SLC9A9: variants seen among roughly 807,000 people sequenced by gnomAD.
The protein encoded by SLC9A9 is solute carrier family 9 member A9.
SLC9A9 carries 62 observed loss-of-function variants against 77.8 expected under a neutral mutation model. That is an observed-to-expected ratio of 0.80 (90% CI 0.65 to 0.98). The LOEUF is 0.98. Among genes scored for constraint, SLC9A9 ranks in the 50% least tolerant of loss-of-function variants. The pLI, the probability that SLC9A9 is intolerant of heterozygous loss-of-function variation, is 0.00. For missense variants in SLC9A9, 775 were observed against 774.9 expected, an observed-to-expected ratio of 1.00 and a Z score of 0.00; for synonymous variants, 320 against 283.5, an observed-to-expected ratio of 1.13 and a Z score of -1.29.
chr3:143,460,905 T>C (rs1441516229), intron 12 of SLC9A9, among the ~76,000 whole-genome samples: 1 of 152,162 alleles, frequency 6.6e-6, no homozygotes, highest in Non-Finnish European at 1.5e-5. Flanking sequence ...AAATGTATTG[T>C]AGAAGAACAT....
At chr3:143,312,942 A>C (rs534535218) in intron 14 of SLC9A9, 1 of 152,318 alleles carries the variant, frequency 6.6e-6, no homozygotes, top group South Asian at 2.1e-4. Flanking sequence ...CTCCTTTCAA[A>C]TATCCTCCTT....
intron 14 of SLC9A9, among the ~76,000 whole-genome samples, chr3:143,328,288 A>G (rs200027769): frequency 6.6e-6 from 1 of 152,186 alleles, no homozygotes; most frequent in East Asian, 1.9e-4. Flanking sequence ...TTTCTGCTCA[A>G]TTTTTCTGTA....
intron 5 of SLC9A9, among the ~76,000 whole-genome samples, chr3:143,652,605 T>C (rs1242068): frequency 0.67 from 101,087 of 151,846 alleles, 33,792 homozygotes; most frequent in African/African-American, 0.72. Flanking sequence ...CTTGCTTACC[T>C]TCTAGCCTCA....
chr3:143,339,250 T>C (rs1371782765), intron 14 of SLC9A9, among the ~76,000 whole-genome samples: 1 of 152,222 alleles, frequency 6.6e-6, no homozygotes, highest in Non-Finnish European at 1.5e-5. Context: ...TTCCTCCTGG[T>C]GTGGAGGTTC....
At chr3:143,634,117 T>A (rs1429932141) in intron 6 of SLC9A9, among the ~76,000 whole-genome samples, 2 of 152,248 alleles carry the variant, frequency 1.3e-5, no homozygotes, top group South Asian at 2.1e-4. Context: ...GTGACTTGAA[T>A]TTTCTGCCTA....
intron 9 of SLC9A9, among the ~76,000 whole-genome samples, chr3:143,514,729 A>G (rs190873130): frequency 9.8e-5 from 15 of 152,308 alleles, no homozygotes; most frequent in Middle Eastern, 3.4e-3. Context: ...CTTAGCCTTC[A>G]CAGAATTGAA....
intron 14 of SLC9A9, among the ~76,000 whole-genome samples, chr3:143,341,960 C>T (rs1205216748): frequency 1.3e-5 from 2 of 152,124 alleles, no homozygotes; most frequent in Non-Finnish European, 2.9e-5. Context: ...ATGAAGAGCC[C>T]TGAAAGCTGA....
intron 12 of SLC9A9, 112 bp downstream of exon 12, chr3:143,466,925 G>T: frequency 7.4e-7 from 1 of 1,350,110 alleles, no homozygotes; most frequent in Non-Finnish European, 1.0e-6. Flanking sequence ...TGACTGCTGG[G>T]AAAGTTAGGG....
At chr3:143,640,999 A>G (rs972511139) in intron 6 of SLC9A9, among the ~76,000 whole-genome samples, 25 of 152,212 alleles carry the variant, frequency 1.6e-4, no homozygotes, top group African/African-American at 5.8e-4. Context: ...CTTGTGTACC[A>G]CCCACAGAGA....
intron 7 of SLC9A9, among the ~76,000 whole-genome samples, chr3:143,574,612 T>C (rs2037325034): frequency 6.6e-6 from 1 of 152,116 alleles, no homozygotes; most frequent in African/African-American, 2.4e-5. Flanking sequence ...GTGCAGTCTG[T>C]GGGCAGACGA....
chr3:143,491,192 G>C (rs1454907702), intron 11 of SLC9A9, among the ~76,000 whole-genome samples: 1 of 152,100 alleles, frequency 6.6e-6, no homozygotes, highest in Admixed American at 6.5e-5. Context: ...TATGTAGGTA[G>C]GTGTCCTGAA....
chr3:143,566,986 TATAA>T (rs1180912251), intron 8 of SLC9A9, among the ~76,000 whole-genome samples: 3 of 152,164 alleles, frequency 2.0e-5, no homozygotes, highest in Non-Finnish European at 4.4e-5. Flanking sequence ...GGAGATATGC[TATAA>T]ATAATACTGC....
chr3:143,774,430 C>G (rs968685871), intron 4 of SLC9A9, among the ~76,000 whole-genome samples: 3 of 152,218 alleles, frequency 2.0e-5, no homozygotes, highest in Admixed American at 2.0e-4. Context: ...GGCTTGGGTT[C>G]AAATCCCAGC....
chr3:143,762,446 T>C (rs1053305082), intron 4 of SLC9A9, among the ~76,000 whole-genome samples: 26 of 152,182 alleles, frequency 1.7e-4, no homozygotes, highest in Admixed American at 1.3e-3. Flanking sequence ...TTCATTACAA[T>C]AGAATTCAAC....
chr3:143,594,873 G>A (rs1328911371), intron 6 of SLC9A9, among the ~76,000 whole-genome samples: 1 of 152,220 alleles, frequency 6.6e-6, no homozygotes, highest in East Asian at 1.9e-4. Flanking sequence ...AAATGTTTAT[G>A]TTTGAAAGGT....
intron 6 of SLC9A9, among the ~76,000 whole-genome samples, chr3:143,601,256 G>A (rs527425028): frequency 1.3e-5 from 2 of 152,274 alleles, no homozygotes; most frequent in East Asian, 3.9e-4. Flanking sequence ...GACTCAGGGA[G>A]ATAGGCAATA....
chr3:143,639,321 T>C (rs761069367), intron 6 of SLC9A9, among the ~76,000 whole-genome samples: 2 of 152,194 alleles, frequency 1.3e-5, no homozygotes, highest in Non-Finnish European at 2.9e-5. Flanking sequence ...GAAGTCAAGA[T>C]TGGTTCTTCT....
At chr3:143,422,188 A>G (rs1406709242) in intron 12 of SLC9A9, among the ~76,000 whole-genome samples, 2 of 152,194 alleles carry the variant, frequency 1.3e-5, no homozygotes, top group African/African-American at 4.8e-5. Context: ...CAGTTTGGAG[A>G]TTTCTCAAAG....
chr3:143,388,791 G>A (rs182504589), intron 12 of SLC9A9, among the ~76,000 whole-genome samples: 13 of 152,242 alleles, frequency 8.5e-5, no homozygotes, highest in South Asian at 8.3e-4. Flanking sequence ...AAAACAAATC[G>A]GAAGCAAAGA....
Sources: allele counts gnomAD v4.1 joint callset (sites outside exome capture counted in the v4.1 genomes callset), GRCh38; gene constraint gnomAD v4.1.1; transcripts MANE v1.5; gene names NCBI Gene and HGNC (gene_info 2026-07-23, HGNC 2026-07-21).